REPS2: variants seen among roughly 807,000 people sequenced by gnomAD.
The protein encoded by REPS2 is RALBP1 associated Eps domain containing 2.
REPS2 carries 23 observed loss-of-function variants against 53.6 expected under a neutral mutation model. The ratio of observed to expected loss-of-function variants is 0.43; its 90% confidence interval spans 0.31 to 0.61. The LOEUF (loss-of-function observed/expected upper bound fraction) is 0.61. Ranked by LOEUF, REPS2 falls within the 20% of genes least tolerant of loss-of-function variation. The pLI, the probability that REPS2 is intolerant of heterozygous loss-of-function variation, is 0.11. For synonymous variants in REPS2, 238 were observed against 218.6 expected (o/e 1.09, Z -0.78); for missense variants, 446 against 534.9 (o/e 0.83, Z 1.64).
chrX:16,952,482 T>G (rs938020285), intron 1 of REPS2, among the ~76,000 whole-genome samples: 2 of 111,714 alleles, frequency 1.8e-5, no homozygotes, highest in Non-Finnish European at 3.8e-5. Context: ...ACTGAATGAT[T>G]AAAAAAAACC....
At chrX:17,014,319 G>C (rs1166791629) in intron 2 of REPS2, among the ~76,000 whole-genome samples, 2 of 111,630 alleles carry the variant, frequency 1.8e-5, no homozygotes, top group Non-Finnish European at 3.8e-5. Context: ...ACTCACTCCT[G>C]GGGTTCTACC....
intron 13 of REPS2, among the ~76,000 whole-genome samples, chrX:17,086,863 T>C (rs1484604722): frequency 8.9e-6 from 1 of 112,193 alleles, no homozygotes; most frequent in South Asian, 3.7e-4. Flanking sequence ...ACCAGAAAAG[T>C]GTCTTATTCA....
chrX:16,951,560 C>CACACACACACA lies in REPS2; in HGVS notation c.273+4426_273+4427insACACACACACA, dbSNP rs1555906117. ...ACACACACACACACACACACACACA[C>CACACACACACA]CCCCGCTACCTACCTCTCTCTGGGG... On this transcript the variant is annotated intron_variant, in intron 1 of 17. Coordinates refer to ENST00000357277, the MANE Select transcript of REPS2 (RefSeq NM_004726.3). Among the ~76,000 whole-genome samples, 20 of 19,903 alleles carry CACACACACACA rather than the reference C, an allele frequency of 1.0e-3. 1 individual carries two copies. The highest frequency in any genetic ancestry group is 9.6e-3 in the East Asian group (3 of 311). The allele number at this position is 19,903 out of a possible 115,157, so 17.3% of individuals were successfully genotyped here. A position where few individuals can be genotyped will look rare whatever the true frequency, so the allele number is the denominator to read the frequency against.
At chrX:17,113,257 G>A (rs1213152485) in intron 14 of REPS2, among the ~76,000 whole-genome samples, 2 of 105,687 alleles carry the variant, frequency 1.9e-5, no homozygotes, top group African/African-American at 3.5e-5. Context: ...AAAGATCAAC[G>A]AAATTGACAA....
intron 5 of REPS2, among the ~76,000 whole-genome samples, chrX:17,040,885 A>G (rs1189785087): frequency 8.9e-6 from 1 of 112,028 alleles, no homozygotes; most frequent in Non-Finnish European, 1.9e-5. Context: ...CAAAACCACA[A>G]TAGCTTCAGG....
chrX:16,979,677 G>A (rs1275827002), intron 1 of REPS2, among the ~76,000 whole-genome samples: 1 of 111,809 alleles, frequency 8.9e-6, no homozygotes, highest in Non-Finnish European at 1.9e-5. Context: ...TCGGTACAAA[G>A]CATTAGAATT....
chrX:16,983,491 A>ATTTTGTTTTG (rs755219921), intron 1 of REPS2, among the ~76,000 whole-genome samples: 40 of 111,653 alleles, frequency 3.6e-4, no homozygotes, highest in Non-Finnish European at 6.8e-4. Context: ...CCTTACCTCC[A>ATTTTGTTTTG]TTTTGTTTTG....
chrX:17,159,738 A>G, the REPS2 span, among the ~76,000 whole-genome samples: 1 of 111,468 alleles, frequency 9.0e-6, no homozygotes, highest in Non-Finnish European at 1.9e-5. Flanking sequence ...GTTACCTGTG[A>G]GGCCGTGGCA....
chrX:16,981,403 C>T (rs920168419), intron 1 of REPS2, among the ~76,000 whole-genome samples: 1 of 112,346 alleles, frequency 8.9e-6, no homozygotes, highest in African/African-American at 3.2e-5. Flanking sequence ...TTTTCCTTAA[C>T]ACATTATTTT....
intron 5 of REPS2, among the ~76,000 whole-genome samples, chrX:17,034,000 A>G (rs1476152515): frequency 9.0e-6 from 1 of 110,818 alleles, no homozygotes; most frequent in Non-Finnish European, 1.9e-5. Flanking sequence ...CAATTCATCT[A>G]TGCTTTTTTC....
chrX:17,006,901 C>T (rs940142469), intron 2 of REPS2, among the ~76,000 whole-genome samples: 1 of 111,946 alleles, frequency 8.9e-6, no homozygotes, highest in African/African-American at 3.3e-5. Flanking sequence ...CCTCAACCCA[C>T]TGTATGCTTG....
the REPS2 span, among the ~76,000 whole-genome samples, chrX:17,169,462 T>C: frequency 2.7e-5 from 3 of 111,322 alleles, no homozygotes; most frequent in Non-Finnish European, 3.8e-5. Flanking sequence ...AGAGGATCAC[T>C]TGAGCCCAGG....
At chrX:16,978,335 T>C (rs748188204) in intron 1 of REPS2, among the ~76,000 whole-genome samples, 2 of 111,991 alleles carry the variant, frequency 1.8e-5, no homozygotes, top group Non-Finnish European at 3.8e-5. Context: ...CCCGGCCATC[T>C]GGCATGAGCA....
rs373958763 is a variant in REPS2, at chrX:17,025,111, C to T, written c.599C>T (p.Pro200Leu). Residue 200 changes from proline to leucine, a missense_variant, in exon 4 of 18, where the codon CCG (proline) becomes CTG (leucine). Coordinates refer to ENST00000357277, the MANE Select transcript of REPS2 (RefSeq NM_004726.3). The part of the protein sequence containing the change: ...MSPLASPPSS[P>L]PHYQRVPLSH... Reference sequence around the variant, plus strand: ...CCCCTCGCCTCCCCTCCTTCTTCCCCGCCTCATTACCAGAGGGTGCCCTTG... The same window carrying T: ...CCCCTCGCCTCCCCTCCTTCTTCCCTGCCTCATTACCAGAGGGTGCCCTTG... 6.4e-5 allele frequency: 77 copies of T among 1,209,855 alleles called. No individual in the cohort carries two copies. The highest frequency in any genetic ancestry group is 2.3e-4 in the Middle Eastern group (1 of 4,373).
At chrX:16,973,465 C>T (rs1020057022) in intron 1 of REPS2, among the ~76,000 whole-genome samples, 4 of 111,764 alleles carry the variant, frequency 3.6e-5, no homozygotes, top group African/African-American at 1.3e-4. Context: ...CTATGCCCTA[C>T]AAGAAGCAAA....
chrX:17,180,935 C>T, the REPS2 span, among the ~76,000 whole-genome samples: 45 of 112,244 alleles, frequency 4.0e-4, no homozygotes, highest in African/African-American at 1.4e-3. Flanking sequence ...CTTAACCATG[C>T]TGTCTCTTGC....
At chrX:17,118,687 A>G (rs2063098628) in intron 14 of REPS2, among the ~76,000 whole-genome samples, 1 of 111,963 alleles carries the variant, frequency 8.9e-6, no homozygotes, top group Non-Finnish European at 1.9e-5. Flanking sequence ...TGCTAAGTAA[A>G]AGTTGATTAA....
At chrX:16,991,030 A>G (rs1424421064) in intron 1 of REPS2, among the ~76,000 whole-genome samples, 1 of 110,596 alleles carries the variant, frequency 9.0e-6, no homozygotes, top group Non-Finnish European at 1.9e-5. Context: ...GCACAGGTGT[A>G]TGATTGACTT....
At chrX:17,115,699 C>T (rs1248634890) in intron 14 of REPS2, among the ~76,000 whole-genome samples, 1 of 112,263 alleles carries the variant, frequency 8.9e-6, no homozygotes, top group Admixed American at 9.4e-5. Context: ...GTTTGTGTCC[C>T]TGGGTACTTG....
Sources: allele counts gnomAD v4.1 joint callset (sites outside exome capture counted in the v4.1 genomes callset), GRCh38; gene constraint gnomAD v4.1.1; transcripts MANE v1.5; gene names NCBI Gene and HGNC (gene_info 2026-07-23, HGNC 2026-07-21).